Variants in SNX29 observed in about 807,000 individuals in gnomAD.
SNX29 encodes sorting nexin 29, also known as sorting nexin-29.
SNX29 carries 78 observed loss-of-function variants against 102.1 expected under a neutral mutation model. That is an observed-to-expected ratio of 0.76 (90% CI 0.64 to 0.92). The LOEUF (loss-of-function observed/expected upper bound fraction) is 0.92, where lower values mean the gene tolerates loss of function less well. SNX29 is among the 40% of genes least tolerant of loss of function. The probability of loss-of-function intolerance (pLI) is 0.00; values close to 1 mark genes in which losing one functional copy is unlikely to be tolerated. For synonymous variants in SNX29, 580 were observed against 414.5 expected, an observed-to-expected ratio of 1.40 and a Z score of -4.85; for missense variants, 1,280 against 1,061.7, an observed-to-expected ratio of 1.21 and a Z score of -2.86.
intron 13 of SNX29, among the ~76,000 whole-genome samples, chr16:12,180,168 C>CT (rs775625371): frequency 7.8e-4 from 119 of 151,610 alleles, no homozygotes; most frequent in Non-Finnish European, 3.7e-4. Context: ...TCTTCATATC[C>CT]TTTTCTTTTT....
Position 12,051,488 on chromosome 16 carries a change from C to G in SNX29, c.749-359C>G, listed in dbSNP as rs149317477. On this transcript the variant is annotated intron_variant, in intron 7 of 20. Transcript: ENST00000566228. ...TGAGGCTGCTCAACCCTTGACTACA[C>G]CCCCCAGCTGGTTCTCCTGGTCTCA... is the stretch of plus-strand genomic sequence containing the variant. Among the ~76,000 whole-genome samples the G allele has an allele frequency of 1.6e-4, 25 of 152,218 alleles. No homozygotes were observed. In the East Asian group the frequency reaches 4.8e-3, roughly 29 times the overall value.
Position 12,126,710 on chromosome 16 carries a change from C to G in SNX29, c.1466+14C>G. ...GGAGGAGAACAGGTACCGTGATTTT[C>G]AGGCTTGAGGAATAGCCTCTTTCTT... On this transcript the variant is annotated intron_variant, in intron 12 of 20. Coordinates refer to ENST00000566228, the MANE Select transcript of SNX29 (RefSeq NM_032167.5). The G allele has an allele frequency of 6.2e-7, 1 of 1,613,706 alleles. No homozygotes were observed. The highest frequency in any genetic ancestry group is 1.1e-5 in the South Asian group (1 of 90,958).
At chr16:12,396,502 C>T (rs752897421) in intron 16 of SNX29, among the ~76,000 whole-genome samples, 17 of 152,236 alleles carry the variant, frequency 1.1e-4, no homozygotes, top group Admixed American at 5.2e-4. Flanking sequence ...CCATAGCGTG[C>T]CCAGAAGAGC....
intron 15 of SNX29, among the ~76,000 whole-genome samples, chr16:12,293,417 G>C (rs557271444): frequency 1.8e-4 from 27 of 152,186 alleles, no homozygotes; most frequent in Non-Finnish European, 2.8e-4. Flanking sequence ...CTGCTTTCCT[G>C]CTGTTCAGAC....
At chr16:11,978,443 C>G (rs1412197898) in intron 1 of SNX29, among the ~76,000 whole-genome samples, 1 of 152,172 alleles carries the variant, frequency 6.6e-6, no homozygotes, top group Non-Finnish European at 1.5e-5. Context: ...CCTAGTAGTA[C>G]CTATCTCCTA....
chr16:12,319,008 C>G (rs903546102), intron 15 of SNX29, among the ~76,000 whole-genome samples: 4 of 152,114 alleles, frequency 2.6e-5, no homozygotes, highest in African/African-American at 9.7e-5. Flanking sequence ...CTTCAGACCC[C>G]CAGTAAACTT....
chr16:11,993,279 A>G (rs1452657717), intron 1 of SNX29, among the ~76,000 whole-genome samples: 2 of 152,276 alleles, frequency 1.3e-5, no homozygotes, highest in East Asian at 1.9e-4. Flanking sequence ...TGCGAGGGTT[A>G]AAGAAGGAAT....
intron 19 of SNX29, among the ~76,000 whole-genome samples, chr16:12,520,288 C>T (rs1232640088): frequency 1.3e-5 from 2 of 152,214 alleles, no homozygotes; most frequent in African/African-American, 2.4e-5. Flanking sequence ...CTAAAGCCAA[C>T]CTGGAAGTAG....
intron 16 of SNX29, chr16:12,375,537 C>T (rs911015950): frequency 6.6e-5 from 10 of 152,322 alleles, no homozygotes; most frequent in South Asian, 2.1e-4. Flanking sequence ...GAAGGATCTG[C>T]GTCCAAGCTA....
chr16:12,198,263 A>G (rs1596484404), intron 13 of SNX29, among the ~76,000 whole-genome samples: 1 of 152,158 alleles, frequency 6.6e-6, no homozygotes, highest in South Asian at 2.1e-4. Context: ...GCCTTCAGAC[A>G]TTCACACAAA....
intron 13 of SNX29, among the ~76,000 whole-genome samples, chr16:12,180,317 G>A (rs1335369942): frequency 6.6e-6 from 1 of 152,200 alleles, no homozygotes; most frequent in South Asian, 2.1e-4. Context: ...TCTGGCGTAC[G>A]TTGTTCTTTT....
intron 14 of SNX29, among the ~76,000 whole-genome samples, chr16:12,220,234 A>G (rs1026529650): frequency 6.7e-6 from 1 of 150,284 alleles, no homozygotes; most frequent in African/African-American, 2.4e-5. Context: ...TTTACCAGGA[A>G]GATGCATCAC....
At chr16:12,020,192 G>A (rs541642945) in intron 3 of SNX29, among the ~76,000 whole-genome samples, 2 of 151,432 alleles carry the variant, frequency 1.3e-5, no homozygotes, top group African/African-American at 2.4e-5. Flanking sequence ...GTGCGATCCC[G>A]GCTCACTGTA....
At chr16:12,517,838 C>G (rs141977605) in intron 19 of SNX29, among the ~76,000 whole-genome samples, 1 of 151,932 alleles carries the variant, frequency 6.6e-6, no homozygotes, top group Non-Finnish European at 1.5e-5. Flanking sequence ...TGGCATGTCC[C>G]GAGAGGTCTC....
At position 12,356,538 on chromosome 16, in the gene SNX29, C is replaced by A. The variant is rs559115758; in HGVS notation, c.1899+259C>A. 1.3e-5 allele frequency among the ~76,000 whole-genome samples: 2 copies of A among 152,210 alleles called. 1 individual carries two copies. Among genetic ancestry groups the A allele is most frequent in the South Asian group, 4.1e-4 (2 of 4,828 alleles). On this transcript the variant is annotated intron_variant, in intron 16 of 20. Transcript: ENST00000566228. The stretch of plus-strand genomic sequence containing the variant: ...AAATTGGCATATAGTCCCCTCCCCC[C>A]GCAAACCCATCTTTCCATACTTTAC...
At chr16:12,126,723 T>C (rs2054228556) in intron 12 of SNX29, 27 bp downstream of exon 12, 2 of 1,612,602 alleles carry the variant, frequency 1.2e-6, no homozygotes, top group African/African-American at 1.3e-5. Context: ...GCTTGAGGAA[T>C]AGCCTCTTTC....
rs1384618562 is a variant in SNX29, at chr16:12,569,737, G to A, written c.*1108G>A. On this transcript the variant is annotated 3_prime_UTR_variant, in exon 21 of 21. Transcript: ENST00000566228. ...GGACCAGCAGCTGGGCAGCCCCCAGGGCTCCTCCTCCAGTGAGCTCACATC... is the reference window on the plus strand; with the variant it reads ...GGACCAGCAGCTGGGCAGCCCCCAGAGCTCCTCCTCCAGTGAGCTCACATC... 8.7e-6 allele frequency: 2 copies of A among 230,432 alleles called. No individual in the cohort carries two copies. Among genetic ancestry groups the A allele is most frequent in the Non-Finnish European group, 1.7e-5 (2 of 116,444 alleles). 14.3% of individuals were successfully genotyped at this position (230,432 alleles called of 1,614,324 possible). A position where few individuals can be genotyped will look rare whatever the true frequency, so the allele number is the denominator to read the frequency against.
At chr16:12,539,244 A>G (rs2077215406) in intron 20 of SNX29, among the ~76,000 whole-genome samples, 1 of 152,270 alleles carries the variant, frequency 6.6e-6, no homozygotes, top group Non-Finnish European at 1.5e-5. Context: ...TTCACCCTAA[A>G]AAGCTGTTTT....
intron 15 of SNX29, among the ~76,000 whole-genome samples, chr16:12,329,207 T>G (rs2081219363): frequency 7.2e-6 from 1 of 139,398 alleles, no homozygotes; most frequent in Non-Finnish European, 1.5e-5. Context: ...AGCCCAGGAG[T>G]TCAAGGCTGC....
Sources: allele counts gnomAD v4.1 joint callset (sites outside exome capture counted in the v4.1 genomes callset), GRCh38; gene constraint gnomAD v4.1.1; transcripts MANE v1.5; gene names NCBI Gene and HGNC (gene_info 2026-07-23, HGNC 2026-07-21).